BCAS3: variants seen among roughly 807,000 people sequenced by gnomAD.
BCAS3 encodes the protein BCAS4/BCAS3 fusion.
A neutral mutation model predicts 116.1 loss-of-function variants in BCAS3; 53 were observed. That is an observed-to-expected ratio of 0.46 (90% CI 0.37 to 0.57). The LOEUF (loss-of-function observed/expected upper bound fraction) is 0.57, where lower values mean the gene tolerates loss of function less well. Among genes scored for constraint, BCAS3 ranks in the 20% least tolerant of loss-of-function variants. The pLI is 0.00. For synonymous variants in BCAS3, 391 were observed against 408.2 expected, an observed-to-expected ratio of 0.96 and a Z score of 0.51; for missense variants, 917 against 1,165.4, an observed-to-expected ratio of 0.79 and a Z score of 3.10.
intron 22 of BCAS3, among the ~76,000 whole-genome samples, chr17:61,110,152 C>G (rs893532144): frequency 2.0e-5 from 3 of 152,202 alleles, no homozygotes; most frequent in African/African-American, 7.2e-5. Context: ...CATGCAGTTT[C>G]ATTCTTCTAC....
intron 22 of BCAS3, among the ~76,000 whole-genome samples, chr17:61,338,887 GGAAAAAAAA>G (rs2056924482): frequency 1.0e-5 from 1 of 99,660 alleles, no homozygotes; most frequent in African/African-American, 3.8e-5. Context: ...GCCCTTACTG[GGAAAAAAAA>G]AAAAAAAAAA....
At chr17:61,067,494 G>A (rs1009880822) in intron 19 of BCAS3, among the ~76,000 whole-genome samples, 4 of 149,270 alleles carry the variant, frequency 2.7e-5, no homozygotes, top group South Asian at 2.1e-4. Context: ...TGAGGCAGGC[G>A]GATCATGAGG....
intron 10 of BCAS3, among the ~76,000 whole-genome samples, chr17:60,896,498 A>AGTG (rs752734134): frequency 4.8e-4 from 73 of 152,188 alleles, no homozygotes; most frequent in Admixed American, 7.8e-4. Flanking sequence ...TGTGTGCTCC[A>AGTG]GTGTTGAGTG....
chr17:60,797,926 C>G (rs1037709471), intron 6 of BCAS3, among the ~76,000 whole-genome samples: 10 of 152,144 alleles, frequency 6.6e-5, no homozygotes, highest in African/African-American at 1.9e-4. Flanking sequence ...CCTGTAGTCC[C>G]AGCTACTCAG....
chr17:61,078,876 T>C (rs1473580588), intron 21 of BCAS3, among the ~76,000 whole-genome samples: 1 of 152,208 alleles, frequency 6.6e-6, no homozygotes, highest in Non-Finnish European at 1.5e-5. Flanking sequence ...GCACCACCTT[T>C]CAATTAAATT....
intron 22 of BCAS3, among the ~76,000 whole-genome samples, chr17:61,331,952 G>A (rs1014878695): frequency 1.3e-5 from 2 of 152,140 alleles, no homozygotes; most frequent in African/African-American, 4.8e-5. Flanking sequence ...GCTTTTTTGG[G>A]GTTTGTACCA....
Position 60,938,017 on chromosome 17 carries a change from C to CTT in BCAS3, c.1088-9193_1088-9192dup, listed in dbSNP as rs142673156. 6.9e-4 allele frequency among the ~76,000 whole-genome samples: 103 copies of CTT among 149,472 alleles called. 1 individual carries two copies. Among genetic ancestry groups the CTT allele is most frequent in the African/African-American group, 2.3e-3 (95 of 40,978 alleles). On this transcript the variant is annotated intron_variant, in intron 13 of 23. Coordinates refer to ENST00000407086, the MANE Select transcript of BCAS3 (RefSeq NM_017679.5). ...GACTTTTCCAATTATATTTCTCACT[C>CTT]TTTTTTTTTTGAGACGGAGCTGGAG... is the stretch of plus-strand genomic sequence containing the variant.
Position 61,379,025 on chromosome 17 carries a change from G to C in BCAS3, c.2593+10531G>C, listed in dbSNP as rs954981646. On this transcript the variant is annotated intron_variant, in intron 23 of 23. Transcript: ENST00000407086. This position sits in a 1 kb window ranked among gnomAD's most constrained non-coding sequence, Gnocchi z 5.5. The stretch of plus-strand genomic sequence containing the variant: ...ACCCTTCAGAGTCCCCTCTCCAGGT[G>C]CTGCCCCAACATGAAAGCAGGAATT... 6 of 152,278 alleles carry C rather than the reference G, an allele frequency of 3.9e-5. No homozygotes were observed. In the East Asian group the frequency reaches 5.8e-4, roughly 15 times the overall value. The allele number at this position is 152,278 out of a possible 1,614,324, so 9.4% of individuals were successfully genotyped here.
intron 22 of BCAS3, among the ~76,000 whole-genome samples, chr17:61,123,957 A>G (rs538915089): frequency 1.3e-5 from 2 of 152,254 alleles, no homozygotes; most frequent in African/African-American, 4.8e-5. Context: ...CCATAGTCTC[A>G]TGTGTCTAAT....
At chr17:61,291,876 G>A (rs2052446868) in intron 22 of BCAS3, among the ~76,000 whole-genome samples, 1 of 152,158 alleles carries the variant, frequency 6.6e-6, no homozygotes, top group East Asian at 1.9e-4. Context: ...GTCCAGAGCA[G>A]TTTACACAGG....
chr17:60,779,871 A>G (rs2045642413), intron 6 of BCAS3, among the ~76,000 whole-genome samples: 1 of 152,144 alleles, frequency 6.6e-6, no homozygotes, highest in Non-Finnish European at 1.5e-5. Context: ...TCTTGGTGCT[A>G]TTTGATATAT....
intron 19 of BCAS3, among the ~76,000 whole-genome samples, chr17:61,057,880 A>ATATGAT (rs2069552564): frequency 6.6e-6 from 1 of 152,034 alleles, no homozygotes; most frequent in African/African-American, 2.4e-5. Context: ...ATTAATGTAT[A>ATATGAT]TATGATTTTA....
chr17:60,975,839 A>G (rs912379907), intron 14 of BCAS3, among the ~76,000 whole-genome samples: 2 of 152,118 alleles, frequency 1.3e-5, no homozygotes, highest in Non-Finnish European at 2.9e-5. Flanking sequence ...TAATGCTTCA[A>G]AGTTCATCCA....
intron 22 of BCAS3, among the ~76,000 whole-genome samples, chr17:61,137,222 C>CA (rs777063155): frequency 6.6e-6 from 1 of 152,036 alleles, no homozygotes; most frequent in Non-Finnish European, 1.5e-5. Context: ...AATGCAGACA[C>CA]AAAAAGATTC....
In BCAS3 at chr17:61,326,447, G is replaced by C. The variant is rs948773208; in HGVS notation, c.2426-41880G>C. Among the ~76,000 whole-genome samples, 1 of 152,212 alleles carries C rather than the reference G, an allele frequency of 6.6e-6. No individual in the cohort carries two copies. The highest frequency in any genetic ancestry group is 2.4e-5 in the African/African-American group (1 of 41,454). On this transcript the variant is annotated intron_variant, in intron 22 of 23. Transcript: ENST00000407086. This position sits in a 1 kb window ranked among gnomAD's most constrained non-coding sequence, Gnocchi z 5.3. Reference sequence around the variant, plus strand: ...ATGAGAAGCATGTTTTCAGCAGAGGGTGAGTTTTGAAAAGATCACTCTGAC... The same window carrying C: ...ATGAGAAGCATGTTTTCAGCAGAGGCTGAGTTTTGAAAAGATCACTCTGAC...
Position 60,910,661 on chromosome 17 carries a change from A to G in BCAS3, c.952A>G (p.Ile318Val), listed in dbSNP as rs764937932. The G allele has an allele frequency of 8.1e-6, 13 of 1,612,572 alleles. No homozygotes were observed. The East Asian group carries it at 2.7e-4, about 33-fold the overall frequency. Reference sequence around the variant, plus strand: ...ACGGCGGAGTCCTTTGGTCCCAGGCATCATCACAGTTATTGACACCGAAAC... The same window carrying G: ...ACGGCGGAGTCCTTTGGTCCCAGGCGTCATCACAGTTATTGACACCGAAAC... Reference protein sequence around the residue: ...NSRRSPLVPGIITVIDTETVG... With the variant: ...NSRRSPLVPGVITVIDTETVG... Residue 318 changes from isoleucine (I) to valine (V), a missense_variant, in exon 12 of 24, where the codon ATC (isoleucine) becomes GTC (valine). By Grantham distance (29) the Ile-to-Val change is conservative. Around this residue, in one of 3 missense-constraint regions of BCAS3, gnomAD observed 807 missense variants for 1,026.0 expected, o/e 0.79. Coordinates refer to ENST00000407086, the MANE Select transcript of BCAS3 (RefSeq NM_017679.5).
chr17:60,880,817 C>T (rs887253693), intron 9 of BCAS3, among the ~76,000 whole-genome samples: 1 of 152,090 alleles, frequency 6.6e-6, no homozygotes, highest in African/African-American at 2.4e-5. Flanking sequence ...ATTTGTATAT[C>T]TCTGTCCATT....
At chr17:61,027,222 T>C (rs533855880) in intron 16 of BCAS3, 21 of 427,872 alleles carry the variant, frequency 4.9e-5, no homozygotes, top group African/African-American at 4.2e-4. Flanking sequence ...GTTTAAAGCT[T>C]TGAGTATTAT....
At chr17:60,940,835 T>A (rs2060185828) in intron 13 of BCAS3, among the ~76,000 whole-genome samples, 1 of 152,212 alleles carries the variant, frequency 6.6e-6, no homozygotes, top group South Asian at 2.1e-4. Context: ...TGTGTGTATA[T>A]GATAAAGAAC....
Sources: gnomAD v4.1 joint callset for allele counts (sites outside exome capture counted in the v4.1 genomes callset) on GRCh38, gnomAD v4.1.1 for gene constraint, gnomAD v4.1.1 regional missense constraint, Gnocchi (gnomAD v3.1) non-coding constraint, MANE v1.5 for transcripts, NCBI Gene and HGNC (gene_info 2026-07-23, HGNC 2026-07-21) for gene names.